The following PLXNA4 variants were observed in gnomAD, a reference collection of about 807,000 sequenced individuals.
PLXNA4 encodes plexin-A4.
In PLXNA4, 44 loss-of-function variants were observed where a neutral mutation model predicts 191.8. The ratio of observed to expected loss-of-function variants is 0.23; its 90% CI spans 0.18 to 0.29. The LOEUF (loss-of-function observed/expected upper bound fraction) is 0.29, where lower values mean the gene tolerates loss of function less well. Ranked by LOEUF, PLXNA4 falls within the 10% of genes least tolerant of loss-of-function variation. The pLI, the probability that PLXNA4 is intolerant of heterozygous loss-of-function variation, is 1.00. For synonymous variants in PLXNA4, 1,082 were observed against 1,009.5 expected (o/e 1.07, Z -1.36); for missense variants, 1,800 against 2,488.8 (o/e 0.72, Z 5.89).
At chr7:132,552,962 G>T (rs1220922184) in intron 1 of PLXNA4, among the ~76,000 whole-genome samples, 2 of 152,320 alleles carry the variant, frequency 1.3e-5, no homozygotes, top group East Asian at 3.9e-4. Flanking sequence ...GGAGGCAGGG[G>T]ATTGGCTTGT....
At chr7:132,628,053 C>A (rs1803416555) in intron 2 of PLXNA4, among the ~76,000 whole-genome samples, 1 of 152,142 alleles carries the variant, frequency 6.6e-6, no homozygotes, top group African/African-American at 2.4e-5. Flanking sequence ...CCAATATAGA[C>A]AGAAGCCTTC....
intron 2 of PLXNA4, among the ~76,000 whole-genome samples, chr7:132,593,011 T>C (rs1280619298): frequency 6.6e-6 from 1 of 152,234 alleles, no homozygotes; most frequent in Admixed American, 6.5e-5. Context: ...AAGAGTGATC[T>C]ACCCAACCTA....
chr7:132,185,214 C>T, intron 16 of PLXNA4, 85 bp downstream of exon 16: 3 of 1,506,582 alleles, frequency 2.0e-6, no homozygotes, highest in Non-Finnish European at 2.7e-6. Context: ...AGGACTGGGC[C>T]CCCAGAACTC....
In PLXNA4 at chr7:132,568,021, G is replaced by T. The variant is rs1326273422; in HGVS notation, c.-87+8401C>A. ...AAGAGAGCAGGGAAAGAGGTCACAA[G>T]CACAGCATGACCATTAGTCCTCTCC... On this transcript the variant is annotated intron_variant, in intron 1 of 31. Transcript: ENST00000321063. Among the ~76,000 whole-genome samples, 6 of 152,134 alleles carry T rather than the reference G, an allele frequency of 3.9e-5. 1 individual carries two copies. The East Asian group carries it at 1.2e-3, about 29-fold the overall frequency.
At chr7:132,278,173 T>C (rs933271354) in intron 4 of PLXNA4, among the ~76,000 whole-genome samples, 2 of 152,194 alleles carry the variant, frequency 1.3e-5, no homozygotes, top group Non-Finnish European at 2.9e-5. Context: ...TATGAACACA[T>C]GTCAAGAAAT....
chr7:132,351,132 A>G (rs998578995), intron 3 of PLXNA4, among the ~76,000 whole-genome samples: 2 of 152,244 alleles, frequency 1.3e-5, no homozygotes, highest in Non-Finnish European at 2.9e-5. Flanking sequence ...GCTGGGGGCC[A>G]TGTGGAGCTG....
intron 21 of PLXNA4, among the ~76,000 whole-genome samples, chr7:132,170,045 GAGA>G (rs1354587852): frequency 6.6e-6 from 1 of 152,020 alleles, no homozygotes; most frequent in African/African-American, 2.4e-5. Context: ...ACAGTTCTTT[GAGA>G]AGGAGTGTCA....
At chr7:132,296,016 G>A (rs1305170022) in intron 4 of PLXNA4, among the ~76,000 whole-genome samples, 1 of 152,130 alleles carries the variant, frequency 6.6e-6, no homozygotes, top group Non-Finnish European at 1.5e-5. Context: ...ACATTTCAAT[G>A]GCAACACCTG....
intron 3 of PLXNA4, among the ~76,000 whole-genome samples, chr7:132,307,881 A>T (rs1801589803): frequency 6.6e-6 from 1 of 152,192 alleles, no homozygotes; most frequent in Non-Finnish European, 1.5e-5. Flanking sequence ...TTAGACAGGC[A>T]GTGTGTGTGC....
intron 4 of PLXNA4, among the ~76,000 whole-genome samples, chr7:132,243,712 T>C (rs1334273369): frequency 8.4e-6 from 1 of 119,390 alleles, no homozygotes; most frequent in Non-Finnish European, 1.6e-5. Flanking sequence ...GCACAGATGA[T>C]GCAATGGTTT....
chr7:132,611,742 G>A (rs1371870351), intron 2 of PLXNA4, among the ~76,000 whole-genome samples: 1 of 152,340 alleles, frequency 6.6e-6, no homozygotes, highest in Middle Eastern at 3.4e-3. Context: ...CCTGTAGTGA[G>A]AGAGAACCAG....
At chr7:132,578,714 CAT>C (rs886197005), upstream of PLXNA4, among the ~76,000 whole-genome samples, 1 of 152,162 alleles carries the variant, frequency 6.6e-6, no homozygotes, top group Non-Finnish European at 1.5e-5. Context: ...GAGGAAACCA[CAT>C]GTTTGATTCT....
intron 3 of PLXNA4, among the ~76,000 whole-genome samples, chr7:132,399,582 G>C (rs1425588160): frequency 6.6e-6 from 1 of 152,210 alleles, no homozygotes; most frequent in Non-Finnish European, 1.5e-5. Context: ...AGTCTGGGAA[G>C]AGTGTTCCAG....
intron 24 of PLXNA4, among the ~76,000 whole-genome samples, chr7:132,160,427 C>T (rs1795916078): frequency 6.6e-6 from 1 of 151,838 alleles, no homozygotes; most frequent in Non-Finnish European, 1.5e-5. Flanking sequence ...TATTTTTTTT[C>T]CTTTAAAAAG....
intron 3 of PLXNA4, among the ~76,000 whole-genome samples, chr7:132,408,698 T>G (rs912957892): frequency 1.3e-5 from 2 of 152,094 alleles, no homozygotes; most frequent in Non-Finnish European, 1.5e-5. Context: ...ACTCCTGACC[T>G]CAAGTGATCC....
chr7:132,181,478 T>C lies in PLXNA4; in HGVS notation c.3395A>G (p.Asn1132Ser). Residue 1132 changes from asparagine to serine, a missense_variant, in exon 18 of 32, where the codon AAC (asparagine) becomes AGC (serine). Physicochemically the swap from Asn to Ser is conservative, Grantham distance 46. Around this residue, in one of 6 missense-constraint regions of PLXNA4, gnomAD observed 1,397 missense variants for 1,880.4 expected, o/e 0.74. Transcript: ENST00000321063. Reference protein sequence around the residue: ...LDNVQSLLILNKTNFTYYPNP... With the variant: ...LDNVQSLLILSKTNFTYYPNP... ...GGGATAGTAGGTGAAGTTGGTCTTG[T>C]TGAGGATGAGCAGGGACTGGACGTT... is the stretch of plus-strand genomic sequence containing the variant. 6.2e-7 allele frequency: 1 copy of C among 1,614,170 alleles called. No homozygotes were observed. Among genetic ancestry groups the C allele is most frequent in the Non-Finnish European group, 8.5e-7 (1 of 1,180,026 alleles).
chr7:132,298,734 G>T (rs903519125), intron 3 of PLXNA4, among the ~76,000 whole-genome samples: 1 of 152,216 alleles, frequency 6.6e-6, no homozygotes, highest in Admixed American at 6.5e-5. Context: ...CACACTAAGG[G>T]TCTCTTTTTT....
intron 3 of PLXNA4, among the ~76,000 whole-genome samples, chr7:132,457,888 G>C (rs143070841): frequency 2.4e-3 from 371 of 152,344 alleles, no homozygotes; most frequent in Non-Finnish European, 4.0e-3. Context: ...GCAAGGCAAT[G>C]AATTCTCCTC....
At chr7:132,181,703 T>C in intron 17 of PLXNA4, 83 bp from the exon 18 acceptor site, 1 of 1,551,250 alleles carries the variant, frequency 6.4e-7, no homozygotes, top group Non-Finnish European at 8.7e-7. Flanking sequence ...CCTCCCTGGA[T>C]GTCATCGGGA....
Sources: gnomAD v4.1 joint callset for allele counts (sites outside exome capture counted in the v4.1 genomes callset) on GRCh38, gnomAD v4.1.1 for gene constraint, gnomAD v4.1.1 regional missense constraint, MANE v1.5 for transcripts, NCBI Gene and HGNC (gene_info 2026-07-23, HGNC 2026-07-21) for gene names.